The following DLG2 variants were observed in gnomAD, a reference collection of about 807,000 sequenced individuals.
DLG2 encodes disks large homolog 2.
DLG2 carries 45 observed loss-of-function variants against 132.5 expected under a neutral mutation model. That is an observed-to-expected ratio of 0.34 (90% CI 0.27 to 0.44). The LOEUF (loss-of-function observed/expected upper bound fraction) is 0.44. Ranked by LOEUF, DLG2 falls within the 20% of genes least tolerant of loss-of-function variation. DLG2 has a pLI of 1.00. For synonymous variants in DLG2, 424 were observed against 419.6 expected (o/e 1.01, Z -0.13); for missense variants, 1,045 against 1,196.9 (o/e 0.87, Z 1.87).
At chr11:84,149,047 C>T (rs2095197511) in intron 9 of DLG2, among the ~76,000 whole-genome samples, 1 of 152,006 alleles carries the variant, frequency 6.6e-6, no homozygotes, top group Admixed American at 6.6e-5. Context: ...ATATACTTTG[C>T]CCACATTTTA....
At chr11:84,996,842 T>C (rs188474480) in intron 6 of DLG2, among the ~76,000 whole-genome samples, 1 of 152,280 alleles carries the variant, frequency 6.6e-6, no homozygotes, top group East Asian at 1.9e-4. Flanking sequence ...AGCTTTAAAA[T>C]AATACTACAT....
At chr11:85,614,636 A>G (rs533863071) in intron 2 of DLG2, among the ~76,000 whole-genome samples, 1 of 152,282 alleles carries the variant, frequency 6.6e-6, no homozygotes, top group African/African-American at 2.4e-5. Context: ...GTGCAACTCC[A>G]TCTCCAAATA....
chr11:84,434,457 T>G (rs1220650227), intron 7 of DLG2, among the ~76,000 whole-genome samples: 1 of 152,158 alleles, frequency 6.6e-6, no homozygotes, highest in Non-Finnish European at 1.5e-5. Flanking sequence ...TTGGAATACC[T>G]TGGGCTGACT....
At chr11:85,304,035 A>G (rs1300533478) in intron 3 of DLG2, among the ~76,000 whole-genome samples, 2 of 152,192 alleles carry the variant, frequency 1.3e-5, no homozygotes, top group African/African-American at 2.4e-5. Flanking sequence ...GTCAAACAAA[A>G]TCTTAGACAA....
intron 8 of DLG2, among the ~76,000 whole-genome samples, chr11:84,236,234 G>T (rs1256108821): frequency 6.6e-6 from 1 of 152,122 alleles, no homozygotes; most frequent in Non-Finnish European, 1.5e-5. Flanking sequence ...AACTGCCATC[G>T]AATAAACCTG....
intron 9 of DLG2, among the ~76,000 whole-genome samples, chr11:84,141,764 T>C (rs572996520): frequency 4.9e-4 from 74 of 152,148 alleles, no homozygotes; most frequent in Non-Finnish European, 8.2e-4. Context: ...ATTGGTTTTA[T>C]TGAGCCATAT....
intron 20 of DLG2, among the ~76,000 whole-genome samples, chr11:83,537,957 C>A (rs1444859202): frequency 6.6e-6 from 1 of 151,706 alleles, no homozygotes; most frequent in Non-Finnish European, 1.5e-5. Flanking sequence ...GGTTTGAATT[C>A]TGCCTCTTCC....
chr11:83,681,464 A>T (rs149973561), intron 18 of DLG2, among the ~76,000 whole-genome samples: 2 of 152,188 alleles, frequency 1.3e-5, no homozygotes, highest in African/African-American at 4.8e-5. Context: ...TACAACAGTC[A>T]TGCCTTCTGC....
intron 8 of DLG2, among the ~76,000 whole-genome samples, chr11:84,211,472 T>G (rs188475015): frequency 6.6e-6 from 1 of 152,208 alleles, no homozygotes; most frequent in Admixed American, 6.5e-5. Flanking sequence ...CTCAAACTCC[T>G]GGGCTCCAGT....
At chr11:84,366,865 A>T (rs2098686170) in intron 7 of DLG2, among the ~76,000 whole-genome samples, 1 of 152,106 alleles carries the variant, frequency 6.6e-6, no homozygotes, top group African/African-American at 2.4e-5. Context: ...TAATAATGGG[A>T]GACTTTAACA....
rs977500530 is a variant in DLG2 at position 84,852,440 on chromosome 11, T to C, written c.357+259221A>G. 2.0e-5 allele frequency among the ~76,000 whole-genome samples: 3 copies of C among 152,014 alleles called. No individual in the cohort carries two copies. In the East Asian group the frequency reaches 5.8e-4, roughly 29 times the overall value. ...AGCCTATTGATACTTGCCTCTGTAG[T>C]GTTGTGTTCAGAAGGATTCTGAAGG... On this transcript the variant is annotated intron_variant, in intron 6 of 27. Coordinates refer to ENST00000376104, the MANE Select transcript of DLG2 (RefSeq NM_001142699.3).
chr11:84,547,807 T>C (rs1402214945), intron 6 of DLG2, among the ~76,000 whole-genome samples: 4 of 152,064 alleles, frequency 2.6e-5, no homozygotes. Flanking sequence ...AATATTCTGC[T>C]TGGGACCCAG....
intron 6 of DLG2, among the ~76,000 whole-genome samples, chr11:84,698,838 A>G (rs893617070): frequency 2.6e-5 from 4 of 151,602 alleles, no homozygotes; most frequent in Non-Finnish European, 4.4e-5. Flanking sequence ...GAATTCTTAC[A>G]GGACATTTTA....
chr11:85,356,320 T>A (rs1402659670), intron 3 of DLG2, among the ~76,000 whole-genome samples: 2 of 152,306 alleles, frequency 1.3e-5, no homozygotes, highest in East Asian at 1.9e-4. Context: ...CACAGTATGA[T>A]ACTTTATAGT....
Position 83,742,210 on chromosome 11 carries a change from A to ACCACACAC in DLG2, c.1825+44479_1825+44480insGTGTGTGG, listed in dbSNP as rs71463182. Among the ~76,000 whole-genome samples, 125 of 147,108 alleles carry ACCACACAC rather than the reference A, an allele frequency of 8.5e-4. 1 individual carries two copies. The highest frequency in any genetic ancestry group is 2.7e-3 in the African/African-American group (107 of 39,988). On this transcript the variant is annotated intron_variant, in intron 18 of 27. Coordinates refer to ENST00000376104, the MANE Select transcript of DLG2 (RefSeq NM_001142699.3). ...AGAGAGTAAATTTTACCACACTTTTAACACACACACACACACACACACACA... is the reference window on the plus strand; with the variant it reads ...AGAGAGTAAATTTTACCACACTTTTACCACACACACACACACACACACACACACACACA...
At chr11:84,752,228 G>C (rs183176182) in intron 6 of DLG2, among the ~76,000 whole-genome samples, 1 of 152,094 alleles carries the variant, frequency 6.6e-6, no homozygotes, top group African/African-American at 2.4e-5. Context: ...ATTCACTTAA[G>C]TATGTTTATT....
intron 4 of DLG2, among the ~76,000 whole-genome samples, chr11:85,200,802 C>A (rs1210110593): frequency 6.6e-6 from 1 of 152,162 alleles, no homozygotes; most frequent in Non-Finnish European, 1.5e-5. Context: ...CCTCTCAGCT[C>A]CAGCCCCAGT....
rs1755616232 is a variant in DLG2, at chr11:84,463,571, T to A, written c.519+70999A>T. On this transcript the variant is annotated intron_variant, in intron 7 of 27. Transcript: ENST00000376104. ...TGAGGTAGTATTGATGGACTATTAT[T>A]TCTTTGTAGATGAAACTGCCCCCAC... Among the ~76,000 whole-genome samples the A allele has an allele frequency of 2.0e-5, 3 of 151,150 alleles. 1 individual carries two copies. The South Asian group carries it at 6.2e-4, about 31-fold the overall frequency.
intron 6 of DLG2, among the ~76,000 whole-genome samples, chr11:85,005,663 T>C (rs2154132742): frequency 6.6e-6 from 1 of 152,318 alleles, no homozygotes; most frequent in Non-Finnish European, 1.5e-5. Context: ...TATAATCATG[T>C]CATCTGCAAA....
Sources: allele counts gnomAD v4.1 joint callset (sites outside exome capture counted in the v4.1 genomes callset), GRCh38; gene constraint gnomAD v4.1.1; transcripts MANE v1.5; gene names NCBI Gene and HGNC (gene_info 2026-07-23, HGNC 2026-07-21).